The following ASPRV1 variants were observed in gnomAD, a reference collection of about 807,000 sequenced individuals.
The protein encoded by ASPRV1 is aspartic peptidase retroviral like 1.
ASPRV1 carries 7 observed loss-of-function variants against 11.0 expected under a neutral mutation model. The observed-to-expected ratio is 0.64, with a 90% CI of 0.36 to 1.20. The LOEUF is 1.20. Ranked by LOEUF, ASPRV1 falls within the 50% of genes most tolerant of loss-of-function variation. The probability of loss-of-function intolerance (pLI) is 0.02; values close to 1 mark genes in which losing one functional copy is unlikely to be tolerated. For synonymous variants in ASPRV1, 136 were observed against 138.4 expected, an observed-to-expected ratio of 0.98 and a Z score of 0.12; for missense variants, 299 against 320.0, an observed-to-expected ratio of 0.93 and a Z score of 0.50.
chr2:70,040,563 C>T, the ASPRV1 span, among the ~76,000 whole-genome samples: 1 of 152,050 alleles, frequency 6.6e-6, no homozygotes, highest in Admixed American at 6.6e-5. Context: ...CGGCTGGGCA[C>T]GGTGGCTCAC....
chr2:69,937,252 C>T, the ASPRV1 span: 6 of 1,613,884 alleles, frequency 3.7e-6, no homozygotes, highest in South Asian at 2.2e-5. Flanking sequence ...AAGATTGTGA[C>T]AGAAAAGCCG....
the ASPRV1 span, chr2:69,937,399 G>A: frequency 3.8e-6 from 6 of 1,598,228 alleles, no homozygotes; most frequent in South Asian, 1.1e-5. Flanking sequence ...ACAGGGGTGA[G>A]CCTCTCTCAC....
At chr2:69,972,812 C>T in the ASPRV1 span, among the ~76,000 whole-genome samples, 22 of 152,186 alleles carry the variant, frequency 1.4e-4, no homozygotes, top group Middle Eastern at 3.4e-3. Flanking sequence ...AGATGGCTTG[C>T]GTCCTGCTTG....
chr2:69,939,035 TC>T, the ASPRV1 span: 1 of 152,522 alleles, frequency 6.6e-6, no homozygotes, highest in Non-Finnish European at 1.5e-5. Flanking sequence ...CGAGGCACAT[TC>T]TCCCCTCCAA....
the ASPRV1 span, among the ~76,000 whole-genome samples, chr2:70,011,227 A>G: frequency 6.6e-6 from 1 of 152,128 alleles, no homozygotes; most frequent in Admixed American, 6.5e-5. Flanking sequence ...CACGAGTTTA[A>G]CTATATAACA....
chr2:70,037,201 C>T, the ASPRV1 span, among the ~76,000 whole-genome samples: 2 of 152,200 alleles, frequency 1.3e-5, no homozygotes, highest in African/African-American at 4.8e-5. Context: ...TTCCAGTTAG[C>T]CCCATTTCCA....
chr2:70,017,122 C>G, the ASPRV1 span, among the ~76,000 whole-genome samples: 8 of 152,150 alleles, frequency 5.3e-5, no homozygotes, highest in Non-Finnish European at 1.0e-4. Flanking sequence ...TCCCAAGTAG[C>G]TGGGACTACA....
chr2:69,933,200 C>CAAAAAAAAAA, the ASPRV1 span, among the ~76,000 whole-genome samples: 3 of 80,140 alleles, frequency 3.7e-5, no homozygotes, highest in Admixed American at 1.7e-4. Flanking sequence ...AACTCTGTCT[C>CAAAAAAAAAA]AAAAAAAAAA....
chr2:69,948,172 A>G, the ASPRV1 span, among the ~76,000 whole-genome samples: 2 of 151,912 alleles, frequency 1.3e-5, no homozygotes, highest in Middle Eastern at 3.4e-3. Context: ...GCTTGAGCCC[A>G]GGGAGGTGGA....
chr2:69,975,550 T>A, the ASPRV1 span: 1 of 152,270 alleles, frequency 6.6e-6, no homozygotes, highest in South Asian at 2.1e-4. Context: ...TGCCACCAAA[T>A]TCACTTGCCT....
chr2:69,991,137 C>T, the ASPRV1 span, among the ~76,000 whole-genome samples: 1 of 152,206 alleles, frequency 6.6e-6, no homozygotes, highest in Non-Finnish European at 1.5e-5. Flanking sequence ...CCCCACACCC[C>T]CTTCCTCTTG....
At chr2:70,071,718 G>C in the ASPRV1 span, 1 of 151,796 alleles carries the variant, frequency 6.6e-6, no homozygotes, top group African/African-American at 2.4e-5. Context: ...CTCCAGCCTG[G>C]GTGACAGAGT....
At chr2:70,004,528 CAAAAAAAA>C in the ASPRV1 span, among the ~76,000 whole-genome samples, 44 of 54,624 alleles carry the variant, frequency 8.1e-4, no homozygotes, top group African/African-American at 2.4e-3. Context: ...AACTCCATCT[CAAAAAAAA>C]AAAAAAAAAA....
chr2:70,026,523 A>G, the ASPRV1 span, among the ~76,000 whole-genome samples: 1 of 152,144 alleles, frequency 6.6e-6, no homozygotes, highest in South Asian at 2.1e-4. Flanking sequence ...ATACAAAACC[A>G]ACATACGAAA....
chr2:69,949,282 T>TGAAC, the ASPRV1 span, among the ~76,000 whole-genome samples: 2 of 150,608 alleles, frequency 1.3e-5, no homozygotes, highest in Admixed American at 6.6e-5. Flanking sequence ...AATGAATGAA[T>TGAAC]GAATGAACGA....
the ASPRV1 span, among the ~76,000 whole-genome samples, chr2:69,952,378 C>T: frequency 1.1e-3 from 167 of 152,202 alleles, no homozygotes; most frequent in Admixed American, 1.8e-3. Flanking sequence ...TGGTGGCCCA[C>T]ATCTATAGTC....
the ASPRV1 span, chr2:69,941,833 G>C: frequency 2.0e-4 from 31 of 152,016 alleles, 1 homozygote; most frequent in African/African-American, 6.3e-4. Flanking sequence ...CCTTTCAAGA[G>C]AGAACTTATT....
chr2:70,004,950 G>A, the ASPRV1 span, among the ~76,000 whole-genome samples: 27 of 152,206 alleles, frequency 1.8e-4, no homozygotes, highest in African/African-American at 6.5e-4. Context: ...CCTGGCTCAC[G>A]GTATGTGCTC....
At chr2:69,989,005 A>C in the ASPRV1 span, among the ~76,000 whole-genome samples, 3 of 152,174 alleles carry the variant, frequency 2.0e-5, no homozygotes, top group African/African-American at 7.2e-5. Flanking sequence ...TTCCTAAACC[A>C]CTGCCTTCCT....
Sources: gnomAD v4.1 joint callset for allele counts (sites outside exome capture counted in the v4.1 genomes callset) on GRCh38, gnomAD v4.1.1 for gene constraint, MANE v1.5 for transcripts, NCBI Gene and HGNC (gene_info 2026-07-23, HGNC 2026-07-21) for gene names.